The following MMAB variants were observed in gnomAD, a reference collection of about 807,000 sequenced individuals.
MMAB encodes the protein metabolism of cobalamin associated B, also known as corrinoid adenosyltransferase MMAB.
Under a neutral mutation model 30.6 loss-of-function variants are expected in MMAB, and 17 were observed. The ratio of observed to expected loss-of-function variants is 0.56; its 90% CI spans 0.38 to 0.83. MMAB has a LOEUF of 0.83. Ranked by LOEUF, MMAB falls within the 40% of genes least tolerant of loss-of-function variation. The pLI, the probability that MMAB is intolerant of heterozygous loss-of-function variation, is 0.00. For missense variants in MMAB, 311 were observed against 331.6 expected (o/e 0.94, Z 0.48); for synonymous variants, 134 against 138.6 (o/e 0.97, Z 0.23).
At chr12:109,564,557 A>T (rs73198421) in intron 4 of MMAB, among the ~76,000 whole-genome samples, 20,399 of 140,614 alleles carry the variant, frequency 0.15, 1,663 homozygotes, top group African/African-American at 0.26. Flanking sequence ...CTAATTTTTA[A>T]TTTTTTTTTT....
chr12:109,564,691 C>T (rs747693104), intron 4 of MMAB: 3 of 264,396 alleles, frequency 1.1e-5, no homozygotes, highest in Admixed American at 4.8e-5. Flanking sequence ...CCATGGTGCT[C>T]GGCCTGAGAC....
Position 109,556,785 on chromosome 12 carries a change from A to T in MMAB, c.*243T>A. On this transcript the variant is annotated 3_prime_UTR_variant, in exon 9 of 9. Transcript: ENST00000545712. ...CCTGTCTTTCCTGCAATGCCAATTC[A>T]TTCCCACATCCCTCCAAGACCCAGG... 1.6e-6 allele frequency: 1 copy of T among 634,042 alleles called. No homozygotes were observed. Among genetic ancestry groups the T allele is most frequent in the Non-Finnish European group, 2.9e-6 (1 of 342,584 alleles). The allele number at this position is 634,042 out of a possible 1,614,324, so 39.3% of individuals were successfully genotyped here.
chr12:109,560,077 C>A (rs756151466), intron 7 of MMAB, among the ~76,000 whole-genome samples: 18 of 152,220 alleles, frequency 1.2e-4, no homozygotes, highest in Non-Finnish European at 2.5e-4. Flanking sequence ...CTATTATGAG[C>A]ACTGCTGATG....
intron 3 of MMAB, among the ~76,000 whole-genome samples, chr12:109,565,993 C>A (rs1646978434): frequency 6.6e-6 from 1 of 152,138 alleles, no homozygotes; most frequent in Admixed American, 6.5e-5. Flanking sequence ...TGGGAAGGGA[C>A]AATTCACAGA....
intron 7 of MMAB, among the ~76,000 whole-genome samples, chr12:109,560,770 T>C (rs1399982423): frequency 6.6e-6 from 1 of 152,212 alleles, no homozygotes; most frequent in Non-Finnish European, 1.5e-5. Context: ...TTTGGTCACA[T>C]GTCACTGTCT....
At chr12:109,560,979 C>A in intron 7 of MMAB, 61 bp downstream of exon 7, 2 of 630,112 alleles carry the variant, frequency 3.2e-6, no homozygotes, top group Non-Finnish European at 5.8e-6. Context: ...CTCTCCCTCC[C>A]CCCTCCCCCT....
chr12:109,560,109 GT>G (rs903406723), intron 7 of MMAB, among the ~76,000 whole-genome samples: 3 of 152,234 alleles, frequency 2.0e-5, no homozygotes, highest in African/African-American at 7.2e-5. Context: ...ACAAATGACA[GT>G]TTTTTCTTTT....
In MMAB at chr12:109,555,963, C is replaced by G. The variant is rs1257294104; in HGVS notation, c.*1065G>C. ...TATGTGATGGCTGAATGGAGTTCGC[C>G]AGGCATTTCAGCCCTGAAACTGGAC... On this transcript the variant is annotated 3_prime_UTR_variant, in exon 9 of 9. Transcript: ENST00000545712. 1 of 453,976 alleles carries G rather than the reference C, an allele frequency of 2.2e-6. No homozygotes were observed. The highest frequency in any genetic ancestry group is 1.6e-5 in the South Asian group (1 of 64,478). The allele number at this position is 453,976 out of a possible 1,614,324, so 28.1% of individuals were successfully genotyped here.
intron 3 of MMAB, among the ~76,000 whole-genome samples, chr12:109,566,290 G>A (rs1340705361): frequency 6.6e-6 from 1 of 152,234 alleles, no homozygotes; most frequent in Non-Finnish European, 1.5e-5. Context: ...AGGTGATAAG[G>A]TCAGCCTCCC....
rs1304585697 is a variant in MMAB, at chr12:109,554,886, G to T, written c.*2142C>A. 3 of 453,842 alleles carry T rather than the reference G, an allele frequency of 6.6e-6. No homozygotes were observed. In the East Asian group the frequency reaches 2.1e-4, roughly 31 times the overall value. 28.1% of individuals were successfully genotyped at this position (453,842 alleles called of 1,614,324 possible). The stretch of plus-strand genomic sequence containing the variant: ...CACAGGAGAGAAACACCTGCTGAGT[G>T]GTGGCATCTGCCCTGCACCCAGGTG... On this transcript the variant is annotated 3_prime_UTR_variant, in exon 9 of 9. Transcript: ENST00000545712.
In MMAB at chr12:109,561,662, G is replaced by C; in HGVS notation, c.421+118C>G. 1 of 1,220,564 alleles carries C rather than the reference G, an allele frequency of 8.2e-7. No homozygotes were observed. The highest frequency in any genetic ancestry group is 2.5e-5 in the East Asian group (1 of 39,428). 75.6% of individuals were successfully genotyped at this position (1,220,564 alleles called of 1,614,324 possible). A position where few individuals can be genotyped will look rare whatever the true frequency, so the allele number is the denominator to read the frequency against. ...AGGTACCTTCCCTCCCAGGAGCTAC[G>C]AGCAAGGCTAACTGACCCACCCGTG... On this transcript the variant is annotated intron_variant, in intron 5 of 8. Transcript: ENST00000545712. This position sits in a 1 kb window ranked among gnomAD's most constrained non-coding sequence, Gnocchi z 5.3.
At chr12:109,562,234 C>G (rs1049161676) in intron 4 of MMAB, among the ~76,000 whole-genome samples, 1 of 152,196 alleles carries the variant, frequency 6.6e-6, no homozygotes, top group Non-Finnish European at 1.5e-5. Context: ...TCCGCCATGA[C>G]TGTAGGTTTC....
At chr12:109,557,802 C>T (rs949547809) in intron 8 of MMAB, among the ~76,000 whole-genome samples, 1 of 152,218 alleles carries the variant, frequency 6.6e-6, no homozygotes, top group Non-Finnish European at 1.5e-5. Context: ...GGGTGAGAAG[C>T]ACAGGCTGGA....
chr12:109,561,480 C>T lies in MMAB; in HGVS notation c.459G>A (p.Leu153=), dbSNP rs1438957832. The T allele has an allele frequency of 1.3e-6, 2 of 1,550,544 alleles. No individual in the cohort carries two copies. Among genetic ancestry groups the T allele is most frequent in the Admixed American group, 3.9e-5 (2 of 51,008 alleles). The change falls in exon 6 of 9, where the codon CTG becomes CTA. Residue 153 remains leucine, a synonymous_variant. Coordinates refer to ENST00000545712, the MANE Select transcript of MMAB (RefSeq NM_052845.4). This position sits in a 1 kb window ranked among gnomAD's most constrained non-coding sequence, Gnocchi z 5.3. ...TTFKAGPILE[L]EQWIDKYTSQ... ...TGGTGTACTTGTCGATCCACTGCTC[C>T]AGCTCCAGGATGGGCCCCGCCTTGA...
chr12:109,558,373 G>C lies in MMAB; in HGVS notation c.644+723C>G, dbSNP rs181329711. On this transcript the variant is annotated intron_variant, in intron 8 of 8. Coordinates refer to ENST00000545712, the MANE Select transcript of MMAB (RefSeq NM_052845.4). The surrounding 1 kb of genome is among the most constrained non-coding windows in gnomAD (Gnocchi z 4.3). ...GGAGCTGCTCAGGACCCGTCAAAGC[G>C]CCATGTCTCTGGGAGGAGTGGCCAC... Among the ~76,000 whole-genome samples, 13 of 152,244 alleles carry C rather than the reference G, an allele frequency of 8.5e-5. No individual in the cohort carries two copies. Among genetic ancestry groups the C allele is most frequent in the Admixed American group, 5.2e-4 (8 of 15,296 alleles).
rs1023371210 is a variant in MMAB at position 109,555,878 on chromosome 12, G to A, written c.*1150C>T. ...TGACTTGCCAGCAAGAAAGATGGCC[G>A]GAAAGACCAGCTGTCCCGAGCCTAG... On this transcript the variant is annotated 3_prime_UTR_variant, in exon 9 of 9. Transcript: ENST00000545712. 2.9e-5 allele frequency: 13 copies of A among 453,962 alleles called. No individual in the cohort carries two copies. The highest frequency in any genetic ancestry group is 6.2e-5 in the South Asian group (4 of 64,474). 28.1% of individuals were successfully genotyped at this position (453,962 alleles called of 1,614,324 possible).
At position 109,558,324 on chromosome 12, in the gene MMAB, C is replaced by T. The variant is rs971393750; in HGVS notation, c.644+772G>A. Among the ~76,000 whole-genome samples, 2 of 152,110 alleles carry T rather than the reference C, an allele frequency of 1.3e-5. No individual in the cohort carries two copies. Among genetic ancestry groups the T allele is most frequent in the African/African-American group, 4.8e-5 (2 of 41,402 alleles). On this transcript the variant is annotated intron_variant, in intron 8 of 8. Transcript: ENST00000545712. This position sits in a 1 kb window ranked among gnomAD's most constrained non-coding sequence, Gnocchi z 4.3. The stretch of plus-strand genomic sequence containing the variant: ...AAGTAGACCTGCTCCTCACTCCCGG[C>T]GAAACCCCCCTCCCAGAAGGAAAGG...
In MMAB at chr12:109,564,942, G is replaced by A. The variant is rs61940511; in HGVS notation, c.348+177C>T. The A allele has an allele frequency of 0.039, 28,544 of 723,176 alleles. 1,933 individuals carry two copies. Among genetic ancestry groups the A allele is most frequent in the African/African-American group, 0.22 (12,676 of 57,982 alleles). 44.8% of individuals were successfully genotyped at this position (723,176 alleles called of 1,614,324 possible). On this transcript the variant is annotated intron_variant, in intron 4 of 8. Coordinates refer to ENST00000545712, the MANE Select transcript of MMAB (RefSeq NM_052845.4). The stretch of plus-strand genomic sequence containing the variant: ...CTCAGTCTCCCAAGTAGCTGAGATT[G>A]CAGGTGTGAGCCACCATACCTGGCC...
intron 8 of MMAB, 80 bp from the exon 9 acceptor site, chr12:109,557,216 C>T: frequency 1.0e-6 from 1 of 968,574 alleles, no homozygotes. Context: ...CCATATCCGC[C>T]TACAAGGAGG....
Sources: allele counts gnomAD v4.1 joint callset (sites outside exome capture counted in the v4.1 genomes callset), GRCh38; gene constraint gnomAD v4.1.1; non-coding constraint Gnocchi (gnomAD v3.1); transcripts MANE v1.5; gene names NCBI Gene and HGNC (gene_info 2026-07-23, HGNC 2026-07-21).